The following PTPRG variants were observed in gnomAD, a reference collection of about 807,000 sequenced individuals.
PTPRG encodes the protein receptor-type tyrosine-protein phosphatase gamma.
PTPRG carries 102 observed loss-of-function variants against 165.3 expected under a neutral mutation model. That is an observed-to-expected ratio of 0.62 (90% CI 0.53 to 0.73). The LOEUF (loss-of-function observed/expected upper bound fraction) is 0.73. Ranked by LOEUF, PTPRG falls within the 30% of genes least tolerant of loss-of-function variation. The pLI is 0.00. For synonymous variants in PTPRG, 675 were observed against 669.5 expected, an observed-to-expected ratio of 1.01 and a Z score of -0.13; for missense variants, 1,866 against 1,861.4, an observed-to-expected ratio of 1.00 and a Z score of -0.05.
At chr3:61,833,493 T>C (rs908615611) in intron 2 of PTPRG, among the ~76,000 whole-genome samples, 1 of 152,186 alleles carries the variant, frequency 6.6e-6, no homozygotes, top group Admixed American at 6.5e-5. Flanking sequence ...TGTGTGCCAA[T>C]GCCCTGGTGA....
At chr3:61,857,347 A>G (rs1473530731) in intron 2 of PTPRG, among the ~76,000 whole-genome samples, 2 of 152,188 alleles carry the variant, frequency 1.3e-5, no homozygotes, top group African/African-American at 4.8e-5. Flanking sequence ...GATACACAGC[A>G]GCTCCCACAG....
At chr3:62,105,903 G>A (rs1245987301) in intron 5 of PTPRG, among the ~76,000 whole-genome samples, 1 of 152,084 alleles carries the variant, frequency 6.6e-6, no homozygotes, top group Non-Finnish European at 1.5e-5. Flanking sequence ...TATGTGCCTA[G>A]GGAACAACAA....
chr3:61,564,783 T>A (rs777798934), intron 1 of PTPRG, among the ~76,000 whole-genome samples: 1 of 152,010 alleles, frequency 6.6e-6, no homozygotes, highest in Non-Finnish European at 1.5e-5. Flanking sequence ...CTCGGCCACC[T>A]CCACGCCTCA....
intron 1 of PTPRG, among the ~76,000 whole-genome samples, chr3:61,613,698 G>T (rs1190137374): frequency 6.6e-6 from 1 of 152,146 alleles, no homozygotes; most frequent in African/African-American, 2.4e-5. Flanking sequence ...ATTGAAGATG[G>T]TGTAGTCTCA....
intron 6 of PTPRG, among the ~76,000 whole-genome samples, chr3:62,150,815 A>G (rs1704306388): frequency 6.6e-6 from 1 of 152,224 alleles, no homozygotes; most frequent in Non-Finnish European, 1.5e-5. Flanking sequence ...AGAAACTACC[A>G]CATCCTGTCC....
At chr3:61,713,207 C>G (rs1453029686) in intron 1 of PTPRG, among the ~76,000 whole-genome samples, 4 of 150,300 alleles carry the variant, frequency 2.7e-5, no homozygotes, top group Non-Finnish European at 5.9e-5. Context: ...TGTTACCAGG[C>G]TGGAGTGCAG....
Position 61,775,708 on chromosome 3 carries a change from A to G in PTPRG, c.190+26726A>G, listed in dbSNP as rs1022714423. Reference sequence around the variant, plus strand: ...TCCAACAATGATAGACTGGATTAAGAAAATGTGGCACATATACACCATGGA... The same window carrying G: ...TCCAACAATGATAGACTGGATTAAGGAAATGTGGCACATATACACCATGGA... On this transcript the variant is annotated intron_variant, in intron 2 of 29. Coordinates refer to ENST00000474889, the MANE Select transcript of PTPRG (RefSeq NM_002841.4). Among the ~76,000 whole-genome samples the G allele has an allele frequency of 2.6e-5, 4 of 152,146 alleles. No homozygotes were observed. The South Asian group carries it at 6.2e-4, about 24-fold the overall frequency.
chr3:62,084,717 C>T (rs539022455), intron 5 of PTPRG, among the ~76,000 whole-genome samples: 9 of 152,172 alleles, frequency 5.9e-5, no homozygotes, highest in Non-Finnish European at 1.3e-4. Context: ...CACCTTCCCC[C>T]TCCTTCCCCA....
chr3:61,606,395 A>G (rs1207338726), intron 1 of PTPRG, among the ~76,000 whole-genome samples: 1 of 152,180 alleles, frequency 6.6e-6, no homozygotes, highest in East Asian at 1.9e-4. Context: ...TAAAAGACTC[A>G]CCTGATTAGG....
intron 8 of PTPRG, among the ~76,000 whole-genome samples, chr3:62,172,332 TC>T (rs1705247465): frequency 6.6e-6 from 1 of 152,254 alleles, no homozygotes; most frequent in Non-Finnish European, 1.5e-5. Flanking sequence ...CAAACTATTT[TC>T]CAAAGTGGTG....
intron 2 of PTPRG, among the ~76,000 whole-genome samples, chr3:61,922,669 C>T (rs548597090): frequency 2.6e-5 from 4 of 152,222 alleles, no homozygotes. Flanking sequence ...GAGGCAGGCT[C>T]TTACTCTGTG....
intron 1 of PTPRG, chr3:61,659,534 A>G (rs1347660428): frequency 2.3e-6 from 2 of 860,022 alleles, no homozygotes; most frequent in Non-Finnish European, 2.8e-6. Flanking sequence ...TCATTTCCCA[A>G]AAAATCTTAG....
intron 1 of PTPRG, among the ~76,000 whole-genome samples, chr3:61,576,779 T>A (rs530508415): frequency 6.6e-6 from 1 of 152,210 alleles, no homozygotes; most frequent in Admixed American, 6.5e-5. Context: ...TTTGAACTTA[T>A]ATTTGACTCA....
intron 6 of PTPRG, among the ~76,000 whole-genome samples, chr3:62,140,158 G>A (rs1249434054): frequency 6.6e-6 from 1 of 152,194 alleles, no homozygotes; most frequent in Non-Finnish European, 1.5e-5. Context: ...ATATGGTGCT[G>A]CCTGCACTGT....
chr3:62,173,730 A>G (rs901857352), intron 8 of PTPRG, among the ~76,000 whole-genome samples: 1 of 151,282 alleles, frequency 6.6e-6, no homozygotes, highest in Admixed American at 6.6e-5. Context: ...TTGACTGAAT[A>G]TAGCTCCCCG....
intron 12 of PTPRG, among the ~76,000 whole-genome samples, chr3:62,211,715 T>G (rs566730205): frequency 3.9e-5 from 6 of 152,284 alleles, no homozygotes; most frequent in Non-Finnish European, 7.4e-5. Flanking sequence ...AGAGGCCTCT[T>G]GGATCCAAGC....
intron 2 of PTPRG, among the ~76,000 whole-genome samples, chr3:61,821,122 CAT>C (rs1451414297): frequency 2.6e-5 from 4 of 152,032 alleles, no homozygotes; most frequent in African/African-American, 9.7e-5. Context: ...CAGCACAAAA[CAT>C]ATTAATCATA....
intron 6 of PTPRG, among the ~76,000 whole-genome samples, chr3:62,152,976 G>A (rs1328191548): frequency 5.3e-5 from 8 of 152,146 alleles, no homozygotes; most frequent in Admixed American, 5.2e-4. Flanking sequence ...TAAGTGAAAT[G>A]TTATTCCCCC....
At chr3:61,714,380 C>T (rs981157616) in intron 1 of PTPRG, among the ~76,000 whole-genome samples, 15 of 152,082 alleles carry the variant, frequency 9.9e-5, no homozygotes, top group Admixed American at 2.6e-4. Flanking sequence ...CAGTGGAAGA[C>T]GGTCATGTCC....
Sources: allele counts gnomAD v4.1 joint callset (sites outside exome capture counted in the v4.1 genomes callset), GRCh38; gene constraint gnomAD v4.1.1; transcripts MANE v1.5; gene names NCBI Gene and HGNC (gene_info 2026-07-23, HGNC 2026-07-21).